Variants in NRG2 observed in about 807,000 individuals in gnomAD.
The protein encoded by NRG2 is pro-neuregulin-2, membrane-bound isoform.
In NRG2, 27 loss-of-function variants were observed where a neutral mutation model predicts 73.9. The observed-to-expected ratio is 0.37, with a 90% confidence interval of 0.27 to 0.50. The LOEUF is 0.50. Among genes scored for constraint, NRG2 ranks in the 20% least tolerant of loss-of-function variants. The pLI, the probability that NRG2 is intolerant of heterozygous loss-of-function variation, is 0.96. For missense variants in NRG2, 1,126 were observed against 1,210.1 expected (o/e 0.93, Z 1.03); for synonymous variants, 532 against 541.0 (o/e 0.98, Z 0.23).
intron 1 of NRG2, among the ~76,000 whole-genome samples, chr5:140,037,791 C>G (rs986468508): frequency 6.6e-6 from 1 of 151,398 alleles, no homozygotes; most frequent in Non-Finnish European, 1.5e-5. Flanking sequence ...GCCTGTAATC[C>G]CAGCTACTCA....
chr5:140,021,898 T>C (rs1760261133), intron 1 of NRG2, among the ~76,000 whole-genome samples: 1 of 152,198 alleles, frequency 6.6e-6, no homozygotes. Context: ...CCTCGGTTCT[T>C]TCCTTCCTAC....
rs145375406 is a variant in NRG2, at chr5:139,918,610, G to A, written c.701-31099C>T. ...ACAAGCCCCAAGGTTCTTAACATCA[G>A]TCACTAGAACACTGAGAGAAGTTGG... On this transcript the variant is annotated intron_variant, in intron 1 of 9. Transcript: ENST00000361474. 4.2e-3 allele frequency among the ~76,000 whole-genome samples: 640 copies of A among 152,276 alleles called. 3 individuals are homozygous for A. Among genetic ancestry groups the A allele is most frequent in the African/African-American group, 0.015 (624 of 41,550 alleles).
At chr5:139,955,989 G>A (rs971641761) in intron 1 of NRG2, among the ~76,000 whole-genome samples, 2 of 152,220 alleles carry the variant, frequency 1.3e-5, no homozygotes, top group African/African-American at 4.8e-5. Context: ...GTAGGTGAAA[G>A]CCCTGCAAAG....
intron 1 of NRG2, among the ~76,000 whole-genome samples, chr5:139,909,118 C>T (rs573117667): frequency 1.5e-4 from 23 of 152,306 alleles, no homozygotes; most frequent in South Asian, 8.3e-4. Context: ...CACAATGGGA[C>T]GCTAATAGTA....
At chr5:139,907,269 C>T (rs1210495438) in intron 1 of NRG2, among the ~76,000 whole-genome samples, 2 of 152,100 alleles carry the variant, frequency 1.3e-5, no homozygotes, top group African/African-American at 4.8e-5. Flanking sequence ...CAATGGTCTG[C>T]TATGGAAAGC....
chr5:139,849,614 C>T (rs1268103033), intron 9 of NRG2, among the ~76,000 whole-genome samples: 1 of 152,210 alleles, frequency 6.6e-6, no homozygotes, highest in Non-Finnish European at 1.5e-5. Context: ...ACAGGGGCCA[C>T]CCACCTCCAC....
intron 1 of NRG2, among the ~76,000 whole-genome samples, chr5:140,025,286 A>G (rs1356681900): frequency 6.6e-6 from 1 of 152,144 alleles, no homozygotes; most frequent in Non-Finnish European, 1.5e-5. Context: ...TCTGTAACAC[A>G]GCAGAAGGCT....
chr5:139,848,635 G>A lies in NRG2; in HGVS notation c.1835C>T (p.Ala612Val). Residue 612 changes from alanine (A) to valine (V), a missense_variant, in exon 10 of 10, where the codon GCC (alanine) becomes GTC (valine). Coordinates refer to ENST00000361474, the MANE Select transcript of NRG2 (RefSeq NM_004883.3). ...GATCTCGAAAGTTGGCACCTGCGTG[G>A]CCAGCGAGTAGTGGAAGTCCACGGG... Reference protein sequence around the residue: ...LSPVDFHYSLATQVPTFEITS... With the variant: ...LSPVDFHYSLVTQVPTFEITS... 2 of 1,577,202 alleles carry A rather than the reference G, an allele frequency of 1.3e-6. No individual in the cohort carries two copies. The highest frequency in any genetic ancestry group is 1.7e-6 in the Non-Finnish European group (2 of 1,171,128).
intron 1 of NRG2, among the ~76,000 whole-genome samples, chr5:139,988,073 C>T: frequency 6.6e-6 from 1 of 152,170 alleles, no homozygotes; most frequent in African/African-American, 2.4e-5. Flanking sequence ...CACGCCCAGC[C>T]TCTGCAGGTT....
intron 1 of NRG2, among the ~76,000 whole-genome samples, chr5:140,011,802 A>T (rs1302610906): frequency 6.6e-6 from 1 of 152,198 alleles, no homozygotes; most frequent in African/African-American, 2.4e-5. Flanking sequence ...TGAGAAAATA[A>T]ATGTTTGTTG....
intron 1 of NRG2, among the ~76,000 whole-genome samples, chr5:139,903,317 T>A (rs1209698650): frequency 6.6e-6 from 1 of 152,214 alleles, no homozygotes; most frequent in Admixed American, 6.5e-5. Flanking sequence ...TGTTACTCCC[T>A]CTGTAAAATG....
At position 139,904,859 on chromosome 5, in the gene NRG2, G is replaced by C. The variant is rs1475919478; in HGVS notation, c.701-17348C>G. 1.3e-5 allele frequency among the ~76,000 whole-genome samples: 2 copies of C among 152,218 alleles called. No individual in the cohort carries two copies. The highest frequency in any genetic ancestry group is 4.8e-5 in the African/African-American group (2 of 41,474). On this transcript the variant is annotated intron_variant, in intron 1 of 9. Transcript: ENST00000361474. The surrounding 1 kb of genome is among the most constrained non-coding windows in gnomAD (Gnocchi z 6.0). ...TGAAGCCCGCTAGCCAGCCCAGCGG[G>C]GTAGCGAGCACCCTTGGCTCTTGCG...
chr5:139,968,496 G>T (rs151100642), intron 1 of NRG2, among the ~76,000 whole-genome samples: 1 of 152,308 alleles, frequency 6.6e-6, no homozygotes, highest in East Asian at 1.9e-4. Flanking sequence ...TGTGAGGCGA[G>T]GAACCTGGTC....
At chr5:140,028,712 T>C (rs1760895552) in intron 1 of NRG2, among the ~76,000 whole-genome samples, 1 of 152,170 alleles carries the variant, frequency 6.6e-6, no homozygotes, top group Non-Finnish European at 1.5e-5. Context: ...CAAACTGTAA[T>C]GTCCACAAAT....
intron 1 of NRG2, among the ~76,000 whole-genome samples, chr5:139,960,600 G>T (rs1754986479): frequency 6.6e-6 from 1 of 152,312 alleles, no homozygotes; most frequent in Admixed American, 6.5e-5. Flanking sequence ...TGACCTGAAA[G>T]TTATTTAACT....
At chr5:139,969,603 T>C (rs1755825936) in intron 1 of NRG2, among the ~76,000 whole-genome samples, 2 of 152,234 alleles carry the variant, frequency 1.3e-5, no homozygotes, top group Admixed American at 1.3e-4. Context: ...CACCAGCTTA[T>C]CCCTGTCTCC....
intron 1 of NRG2, among the ~76,000 whole-genome samples, chr5:139,990,221 T>G (rs1216555302): frequency 6.6e-6 from 1 of 152,174 alleles, no homozygotes; most frequent in Non-Finnish European, 1.5e-5. Context: ...TATGTAAATG[T>G]CAAACTTTAA....
intron 1 of NRG2, among the ~76,000 whole-genome samples, chr5:139,963,403 G>T (rs202022910): frequency 6.6e-6 from 1 of 152,186 alleles, no homozygotes; most frequent in African/African-American, 2.4e-5. Flanking sequence ...GGGAAAACCC[G>T]TCCCTATCTC....
chr5:139,899,998 T>C (rs1428625753), intron 1 of NRG2, among the ~76,000 whole-genome samples: 1 of 152,230 alleles, frequency 6.6e-6, no homozygotes, highest in Non-Finnish European at 1.5e-5. Flanking sequence ...AGTACTGGCC[T>C]GTAGTGAGTC....
Sources: allele counts gnomAD v4.1 joint callset (sites outside exome capture counted in the v4.1 genomes callset), GRCh38; gene constraint gnomAD v4.1.1; non-coding constraint Gnocchi (gnomAD v3.1); transcripts MANE v1.5; gene names NCBI Gene and HGNC (gene_info 2026-07-23, HGNC 2026-07-21).